Variants in CADM1 observed in about 807,000 individuals in gnomAD.
The protein encoded by CADM1 is cell adhesion molecule 1.
CADM1 carries 15 observed loss-of-function variants against 53.1 expected under a neutral mutation model. The ratio of observed to expected loss-of-function variants is 0.28; its 90% CI spans 0.19 to 0.44. The LOEUF (loss-of-function observed/expected upper bound fraction) is 0.44, where lower values mean the gene tolerates loss of function less well. CADM1 is among the 20% of genes least tolerant of loss of function. The pLI, the probability that CADM1 is intolerant of heterozygous loss-of-function variation, is 1.00. For missense variants in CADM1, 434 were observed against 611.3 expected, an observed-to-expected ratio of 0.71 and a Z score of 3.06; for synonymous variants, 281 against 243.0, an observed-to-expected ratio of 1.16 and a Z score of -1.45.
chr11:115,242,259 C>T (rs1942262518), intron 1 of CADM1, among the ~76,000 whole-genome samples: 2 of 148,838 alleles, frequency 1.3e-5, no homozygotes, highest in African/African-American at 2.5e-5. Flanking sequence ...GGTAAATTCC[C>T]GAAAGCTTGA....
chr11:115,391,213 T>C lies in CADM1; in HGVS notation c.124+113058A>G, dbSNP rs940884255. Among the ~76,000 whole-genome samples the C allele has an allele frequency of 9.2e-5, 14 of 152,206 alleles. No homozygotes were observed. The East Asian group carries it at 1.3e-3, about 15-fold the overall frequency. On this transcript the variant is annotated intron_variant, in intron 1 of 11. Coordinates refer to ENST00000331581, the MANE Select transcript of CADM1 (RefSeq NM_001301043.2). ...ACAATTAGACATACAATTTAAAGAATTCATCAATTTAAATGAACAAAAATA... is the reference window on the plus strand; with the variant it reads ...ACAATTAGACATACAATTTAAAGAACTCATCAATTTAAATGAACAAAAATA...
At chr11:115,339,781 G>A (rs2105976) in intron 1 of CADM1, among the ~76,000 whole-genome samples, 50,065 of 152,000 alleles carry the variant, frequency 0.33, 9,188 homozygotes, top group Non-Finnish European at 0.43. Context: ...AATTAAGAGA[G>A]TGTATTTCCT....
intron 1 of CADM1, among the ~76,000 whole-genome samples, chr11:115,364,292 C>T (rs1028171712): frequency 6.6e-6 from 1 of 152,188 alleles, no homozygotes; most frequent in Admixed American, 6.5e-5. Context: ...CAAATGTGTT[C>T]CTAACATTTA....
chr11:115,368,779 C>G (rs1457978998), intron 1 of CADM1, among the ~76,000 whole-genome samples: 1 of 151,996 alleles, frequency 6.6e-6, no homozygotes, highest in East Asian at 1.9e-4. Context: ...TACTGTCCAA[C>G]AGAAGTTTCT....
chr11:115,371,400 C>T (rs1189272959), intron 1 of CADM1, among the ~76,000 whole-genome samples: 1 of 151,876 alleles, frequency 6.6e-6, no homozygotes, highest in Non-Finnish European at 1.5e-5. Flanking sequence ...ATACAATAAG[C>T]TCTACAACAA....
At chr11:115,441,403 C>A (rs1014462179) in intron 1 of CADM1, among the ~76,000 whole-genome samples, 4 of 152,062 alleles carry the variant, frequency 2.6e-5, no homozygotes, top group Non-Finnish European at 5.9e-5. Flanking sequence ...AACAAAAAAC[C>A]AGAATGCTGT....
chr11:115,494,648 T>G (rs901773285), intron 1 of CADM1, among the ~76,000 whole-genome samples: 1 of 152,152 alleles, frequency 6.6e-6, no homozygotes, highest in Non-Finnish European at 1.5e-5. Context: ...TTTTACATAG[T>G]ATTTTCTTTT....
intron 1 of CADM1, among the ~76,000 whole-genome samples, chr11:115,443,882 A>G (rs1003690014): frequency 2.0e-5 from 3 of 152,224 alleles, no homozygotes; most frequent in African/African-American, 7.2e-5. Context: ...ACAAACTGCT[A>G]TGGGAGCACG....
At position 115,214,786 on chromosome 11, in the gene CADM1, G is replaced by A. The variant is rs766826690; in HGVS notation, c.822-6C>T. 6.2e-7 allele frequency: 1 copy of A among 1,613,570 alleles called. No individual in the cohort carries two copies. The highest frequency in any genetic ancestry group is 8.5e-7 in the Non-Finnish European group (1 of 1,179,708). The stretch of plus-strand genomic sequence containing the variant: ...CCCAAGTTACCATCACAGGCCTGCA[G>A]GGGGAAGGGGAGGAAGACAAGTCAC... On this transcript the variant is annotated splice_region_variant and splice_polypyrimidine_tract_variant and intron_variant, in intron 6 of 11. Coordinates refer to ENST00000331581, the MANE Select transcript of CADM1 (RefSeq NM_001301043.2).
intron 3 of CADM1, 82 bp from the exon 4 acceptor site, chr11:115,231,572 A>G: frequency 7.8e-7 from 1 of 1,279,976 alleles, no homozygotes; most frequent in Non-Finnish European, 1.1e-6. Context: ...AACAGTAGAC[A>G]TTCCTGATGG....
intron 1 of CADM1, chr11:115,377,502 G>A (rs528782066): frequency 6.6e-6 from 1 of 152,236 alleles, no homozygotes; most frequent in South Asian, 2.1e-4. Flanking sequence ...AAACCACAAG[G>A]TGATCTAATC....
chr11:115,469,420 C>A (rs1370400526), intron 1 of CADM1, among the ~76,000 whole-genome samples: 1 of 152,126 alleles, frequency 6.6e-6, no homozygotes, highest in Non-Finnish European at 1.5e-5. Context: ...AGAGATTGAA[C>A]AACCTGACTG....
intron 1 of CADM1, among the ~76,000 whole-genome samples, chr11:115,328,990 T>G (rs1357029922): frequency 1.3e-5 from 2 of 151,512 alleles, no homozygotes; most frequent in African/African-American, 4.8e-5. Context: ...TTTTATAACT[T>G]TAATAAACCT....
intron 7 of CADM1, among the ~76,000 whole-genome samples, chr11:115,213,269 G>A (rs967073874): frequency 2.0e-5 from 3 of 152,178 alleles, no homozygotes; most frequent in Admixed American, 6.5e-5. Context: ...TCTGCATATC[G>A]CCAGCTGAAA....
intron 1 of CADM1, among the ~76,000 whole-genome samples, chr11:115,308,189 G>GGT (rs200028770): frequency 3.1e-4 from 26 of 84,462 alleles, no homozygotes; most frequent in African/African-American, 9.0e-4. Flanking sequence ...ATCACTCATA[G>GGT]GTGTGTATAT....
chr11:115,332,660 A>AGATCATATT (rs1945162176), intron 1 of CADM1, among the ~76,000 whole-genome samples: 1 of 152,164 alleles, frequency 6.6e-6, no homozygotes, highest in African/African-American at 2.4e-5. Context: ...AGAATGGAGA[A>AGATCATATT]GATCATATTG....
chr11:115,415,913 A>G (rs182245907), intron 1 of CADM1, among the ~76,000 whole-genome samples: 3 of 151,912 alleles, frequency 2.0e-5, no homozygotes, highest in African/African-American at 7.2e-5. Flanking sequence ...CATGAAAGAA[A>G]AGGCCAAGGT....
At chr11:115,449,859 T>C (rs1288140270) in intron 1 of CADM1, among the ~76,000 whole-genome samples, 1 of 152,178 alleles carries the variant, frequency 6.6e-6, no homozygotes. Flanking sequence ...TGCACACACA[T>C]CCCTTAAGTA....
intron 1 of CADM1, chr11:115,256,978 G>C (rs1015819647): frequency 6.7e-6 from 3 of 450,134 alleles, no homozygotes; most frequent in Non-Finnish European, 1.3e-5. Context: ...AGTCATGCTT[G>C]TCACATTTAG....
Sources: gnomAD v4.1 joint callset for allele counts (sites outside exome capture counted in the v4.1 genomes callset) on GRCh38, gnomAD v4.1.1 for gene constraint, MANE v1.5 for transcripts, NCBI Gene and HGNC (gene_info 2026-07-23, HGNC 2026-07-21) for gene names.